Variants in ARHGAP15 observed in about 807,000 individuals in gnomAD.
The protein encoded by ARHGAP15 is Rho GTPase activating protein 15.
A neutral mutation model predicts 63.7 loss-of-function variants in ARHGAP15; 51 were observed. The observed-to-expected ratio is 0.80, with a 90% CI of 0.64 to 1.01. The LOEUF (loss-of-function observed/expected upper bound fraction) is 1.01. Among genes scored for constraint, ARHGAP15 ranks in the 50% least tolerant of loss-of-function variants. ARHGAP15 has a pLI of 0.00. For synonymous variants in ARHGAP15, 191 were observed against 193.8 expected (o/e 0.99, Z 0.12); for missense variants, 560 against 564.6 (o/e 0.99, Z 0.08).
intron 11 of ARHGAP15, among the ~76,000 whole-genome samples, chr2:143,598,330 T>C (rs1000891009): frequency 1.3e-5 from 2 of 152,144 alleles, no homozygotes; most frequent in Admixed American, 6.5e-5. Flanking sequence ...GCATCAAATG[T>C]GGCTAAAGGA....
chr2:143,175,757 A>G (rs1690987713), intron 2 of ARHGAP15, among the ~76,000 whole-genome samples: 1 of 152,132 alleles, frequency 6.6e-6, no homozygotes, highest in Admixed American at 6.6e-5. Context: ...AGGCCTCTCT[A>G]ACTGCTGCAA....
intron 6 of ARHGAP15, among the ~76,000 whole-genome samples, chr2:143,319,422 A>C (rs1339553969): frequency 2.6e-5 from 4 of 151,972 alleles, no homozygotes; most frequent in Admixed American, 2.0e-4. Flanking sequence ...AGGTTTCACC[A>C]TGTTAGCCAG....
chr2:143,512,606 C>T (rs1693638637), intron 9 of ARHGAP15, among the ~76,000 whole-genome samples: 1 of 152,360 alleles, frequency 6.6e-6, no homozygotes, highest in East Asian at 1.9e-4. Flanking sequence ...TTTCTTGAAA[C>T]GTTTGTCCAA....
chr2:143,419,202 A>G (rs1466053362), intron 6 of ARHGAP15, among the ~76,000 whole-genome samples: 1 of 152,128 alleles, frequency 6.6e-6, no homozygotes, highest in Admixed American at 6.5e-5. Context: ...CCTAAGAAAA[A>G]AGGAGTTTCT....
chr2:143,698,935 C>T (rs977297675), intron 12 of ARHGAP15, among the ~76,000 whole-genome samples: 8 of 152,066 alleles, frequency 5.3e-5, no homozygotes, highest in Admixed American at 2.0e-4. Context: ...GAACCTTCAG[C>T]GCTTCATAAT....
chr2:143,266,426 A>C (rs997304407), intron 6 of ARHGAP15, among the ~76,000 whole-genome samples: 8 of 152,264 alleles, frequency 5.3e-5, no homozygotes, highest in Admixed American at 2.6e-4. Context: ...CTTACTTTCT[A>C]TTGGTGAATA....
chr2:143,529,921 G>A (rs1057489346), intron 10 of ARHGAP15, among the ~76,000 whole-genome samples: 1 of 152,136 alleles, frequency 6.6e-6, no homozygotes, highest in African/African-American at 2.4e-5. Context: ...TATCTAGAGT[G>A]TGAGTCCTTG....
At chr2:143,262,480 T>C (rs1475082193) in intron 6 of ARHGAP15, among the ~76,000 whole-genome samples, 1 of 151,888 alleles carries the variant, frequency 6.6e-6, no homozygotes, top group Non-Finnish European at 1.5e-5. Flanking sequence ...TTAGTCGGTT[T>C]TGTTTGTCTG....
At chr2:143,351,424 G>A (rs1253063679) in intron 6 of ARHGAP15, 1 of 152,198 alleles carries the variant, frequency 6.6e-6, no homozygotes, top group East Asian at 1.9e-4. Flanking sequence ...GGGGAAAAGG[G>A]GAGGGAGAGA....
At chr2:143,359,621 A>G (rs1378251856) in intron 6 of ARHGAP15, among the ~76,000 whole-genome samples, 4 of 152,194 alleles carry the variant, frequency 2.6e-5, no homozygotes, top group Non-Finnish European at 4.4e-5. Context: ...GCCTCACCCA[A>G]AAATTCAAGA....
intron 6 of ARHGAP15, among the ~76,000 whole-genome samples, chr2:143,264,360 T>A (rs115595686): frequency 6.6e-6 from 1 of 152,076 alleles, no homozygotes; most frequent in African/African-American, 2.4e-5. Context: ...AAGGCCTTCC[T>A]CCAGAACCTT....
At chr2:143,282,557 C>T (rs1204244492) in intron 6 of ARHGAP15, among the ~76,000 whole-genome samples, 1 of 152,038 alleles carries the variant, frequency 6.6e-6, no homozygotes. Flanking sequence ...AGACCTGCCC[C>T]CATGATTCAA....
In ARHGAP15 at chr2:143,318,746, A is replaced by C. The variant is rs116381811; in HGVS notation, c.474+68146A>C. ...AATGACATAATCTAAGTTAAGTCTC[A>C]GTCTCTATGCCTGAGTAGAAAGTCA... On this transcript the variant is annotated intron_variant, in intron 6 of 13. Coordinates refer to ENST00000295095, the MANE Select transcript of ARHGAP15 (RefSeq NM_018460.4). Among the ~76,000 whole-genome samples, 702 of 152,192 alleles carry C rather than the reference A, an allele frequency of 4.6e-3. 4 individuals carry two copies. The highest frequency in any genetic ancestry group is 0.015 in the African/African-American group (625 of 41,536).
intron 6 of ARHGAP15, among the ~76,000 whole-genome samples, chr2:143,363,267 G>T (rs1402707008): frequency 6.6e-6 from 1 of 152,122 alleles, no homozygotes; most frequent in Non-Finnish European, 1.5e-5. Context: ...TTGCCCAGGT[G>T]GGGTGGCTTA....
At chr2:143,416,753 A>T (rs1320282824) in intron 6 of ARHGAP15, among the ~76,000 whole-genome samples, 1 of 151,954 alleles carries the variant, frequency 6.6e-6, no homozygotes, top group Non-Finnish European at 1.5e-5. Flanking sequence ...AGCCATTTAC[A>T]GACTGTCTTA....
intron 8 of ARHGAP15, among the ~76,000 whole-genome samples, chr2:143,463,298 T>C (rs1426800645): frequency 6.6e-6 from 1 of 151,968 alleles, no homozygotes; most frequent in Non-Finnish European, 1.5e-5. Flanking sequence ...TCCCAGCACT[T>C]TGGGAGGCCA....
At chr2:143,154,016 C>A (rs1262943293) in intron 1 of ARHGAP15, among the ~76,000 whole-genome samples, 1 of 151,162 alleles carries the variant, frequency 6.6e-6, no homozygotes, top group Non-Finnish European at 1.5e-5. Flanking sequence ...GTTTTCATTG[C>A]ATAAATTAAA....
At chr2:143,268,678 T>G (rs1681118916) in intron 6 of ARHGAP15, among the ~76,000 whole-genome samples, 1 of 152,150 alleles carries the variant, frequency 6.6e-6, no homozygotes. Flanking sequence ...GTAATATTTT[T>G]GGATAAATGT....
chr2:143,426,179 T>C (rs1689130412), intron 6 of ARHGAP15, among the ~76,000 whole-genome samples: 1 of 152,152 alleles, frequency 6.6e-6, no homozygotes, highest in Admixed American at 6.6e-5. Context: ...AAAATAGTTA[T>C]AAATCACACT....
Sources: gnomAD v4.1 joint callset for allele counts (sites outside exome capture counted in the v4.1 genomes callset) on GRCh38, gnomAD v4.1.1 for gene constraint, MANE v1.5 for transcripts, NCBI Gene and HGNC (gene_info 2026-07-23, HGNC 2026-07-21) for gene names.